The following TRIM37 variants were observed in gnomAD, a reference collection of about 807,000 sequenced individuals.
TRIM37 encodes tripartite motif containing 37.
Under a neutral mutation model 129.8 loss-of-function variants are expected in TRIM37, and 80 were observed. The ratio of observed to expected loss-of-function variants is 0.62; its 90% CI spans 0.51 to 0.74. TRIM37 has a LOEUF of 0.74. TRIM37 is among the 30% of genes least tolerant of loss of function. The probability of loss-of-function intolerance (pLI) is 0.00; values close to 1 mark genes in which losing one functional copy is unlikely to be tolerated. For missense variants in TRIM37, 1,054 were observed against 1,176.5 expected, an observed-to-expected ratio of 0.90 and a Z score of 1.52; for synonymous variants, 389 against 387.1, an observed-to-expected ratio of 1.00 and a Z score of -0.06.
chr17:59,066,994 C>T (rs35180305), intron 9 of TRIM37, among the ~76,000 whole-genome samples: 57,899 of 151,780 alleles, frequency 0.38, 11,191 homozygotes, highest in Middle Eastern at 0.5. Context: ...ATTTCTTTTG[C>T]GAAAGAAATT....
At chr17:58,981,321 C>T (rs2031345988), downstream of TRIM37, 1 of 319,570 alleles carries the variant, frequency 3.1e-6, no homozygotes, top group Non-Finnish European at 5.7e-6. Context: ...ACACAACCCC[C>T]TTCCCACCAT....
intron 5 of TRIM37, among the ~76,000 whole-genome samples, chr17:59,081,739 C>T (rs1379859516): frequency 6.6e-6 from 1 of 151,682 alleles, no homozygotes; most frequent in African/African-American, 2.4e-5. Context: ...AAAAACACGT[C>T]TCTACTAAAA....
intron 8 of TRIM37, among the ~76,000 whole-genome samples, chr17:59,074,338 A>C (rs2042631270): frequency 6.6e-6 from 1 of 152,158 alleles, no homozygotes. Context: ...TATATAAGGG[A>C]CTTGAGTATC....
At chr17:59,001,119 C>T (rs1416933713) in intron 23 of TRIM37, among the ~76,000 whole-genome samples, 2 of 149,894 alleles carry the variant, frequency 1.3e-5, no homozygotes, top group Admixed American at 1.4e-4. Context: ...CGCTTGAACC[C>T]AGGAGGCGGA....
chr17:59,030,202 T>G (rs769980120), intron 18 of TRIM37, among the ~76,000 whole-genome samples: 14 of 152,198 alleles, frequency 9.2e-5, no homozygotes, highest in South Asian at 4.1e-4. Flanking sequence ...GACTCCCAGG[T>G]TTAAGCCATT....
intron 19 of TRIM37, among the ~76,000 whole-genome samples, chr17:59,019,713 A>C (rs1365906404): frequency 6.6e-6 from 1 of 152,108 alleles, no homozygotes; most frequent in Non-Finnish European, 1.5e-5. Flanking sequence ...GTCTCAAAAA[A>C]AAAAAAGTCC....
At chr17:59,081,916 TA>T (rs1268353888) in intron 5 of TRIM37, among the ~76,000 whole-genome samples, 1 of 67,228 alleles carries the variant, frequency 1.5e-5, no homozygotes, top group African/African-American at 6.1e-5. Flanking sequence ...CAAAAAATAA[TA>T]ATTTTTTAAT....
chr17:58,996,790 ATATG>A (rs978083582), downstream of TRIM37, among the ~76,000 whole-genome samples: 1 of 134,192 alleles, frequency 7.5e-6, no homozygotes, highest in Non-Finnish European at 1.6e-5. Context: ...AAGTATATAT[ATATG>A]TGTGTGTGTG....
downstream of TRIM37, among the ~76,000 whole-genome samples, chr17:58,994,813 G>C (rs907727230): frequency 1.3e-5 from 2 of 150,926 alleles, no homozygotes; most frequent in African/African-American, 2.4e-5. Flanking sequence ...CAAATGGCAC[G>C]ATCTCGGCTC....
chr17:59,082,629 A>T (rs7503179), intron 5 of TRIM37, among the ~76,000 whole-genome samples: 50,694 of 152,088 alleles, frequency 0.33, 8,961 homozygotes, highest in Middle Eastern at 0.49. Context: ...TCACAAATCC[A>T]GTTGCATTCA....
At chr17:59,025,409 C>T (rs1010072159) in intron 19 of TRIM37, among the ~76,000 whole-genome samples, 2 of 150,606 alleles carry the variant, frequency 1.3e-5, no homozygotes, top group Non-Finnish European at 3.0e-5. Context: ...TATTAATATT[C>T]ATGTCATGAA....
At chr17:58,970,882 C>T in the TRIM37 span, among the ~76,000 whole-genome samples, 1 of 152,050 alleles carries the variant, frequency 6.6e-6, no homozygotes, top group Non-Finnish European at 1.5e-5. Context: ...GACCCGTAAT[C>T]ATCAATGTGA....
At chr17:58,971,790 T>C in the TRIM37 span, among the ~76,000 whole-genome samples, 1 of 152,222 alleles carries the variant, frequency 6.6e-6, no homozygotes, top group Admixed American at 6.5e-5. Context: ...AGTGCTTGAC[T>C]GGGAGGAAAA....
At chr17:58,978,913 G>A (rs1567899302), downstream of TRIM37, among the ~76,000 whole-genome samples, 1 of 152,140 alleles carries the variant, frequency 6.6e-6, no homozygotes, top group Admixed American at 6.5e-5. Context: ...ACCTAGTTTA[G>A]TGTGGTCCCA....
At chr17:59,055,525 T>C (rs2040772222) in intron 13 of TRIM37, among the ~76,000 whole-genome samples, 1 of 150,808 alleles carries the variant, frequency 6.6e-6, no homozygotes, top group Admixed American at 6.6e-5. Flanking sequence ...GAACCCCATC[T>C]CTACTAAAAA....
chr17:59,093,667 C>G (rs1027488651), intron 2 of TRIM37, among the ~76,000 whole-genome samples: 1 of 152,154 alleles, frequency 6.6e-6, no homozygotes, highest in Non-Finnish European at 1.5e-5. Context: ...GTAACCAGAT[C>G]GTATTTTAAA....
chr17:59,088,337 G>C lies in TRIM37; in HGVS notation c.235C>G (p.Leu79Val). 1.9e-6 allele frequency: 3 copies of C among 1,613,708 alleles called. No individual in the cohort carries two copies. Among genetic ancestry groups the C allele is most frequent in the South Asian group, 1.1e-5 (1 of 91,050 alleles). Residue 79 changes from leucine to valine, a missense_variant, in exon 4 of 24, where the codon CTT (leucine) becomes GTT (valine). Physicochemically the swap from Leu to Val is conservative, Grantham distance 32. Coordinates refer to ENST00000262294, the MANE Select transcript of TRIM37 (RefSeq NM_015294.6). ...AEEVTQQLDT[L>V]QLCSLTKHEE... ...TGTTTGGTGAGACTGCAGAGTTGAA[G>C]AGTATCAAGCTGTTGTGTTACTTCT...
the TRIM37 span, chr17:58,973,020 T>C: frequency 2.2e-5 from 17 of 772,404 alleles, no homozygotes; most frequent in Non-Finnish European, 3.0e-5. Context: ...TGATAATTTA[T>C]GTTACCAGAA....
intron 2 of TRIM37, among the ~76,000 whole-genome samples, chr17:59,094,606 G>A (rs1568240919): frequency 6.6e-6 from 1 of 151,456 alleles, no homozygotes; most frequent in Non-Finnish European, 1.5e-5. Flanking sequence ...AAGTATCTAA[G>A]ATAATCTTAA....
Sources: gnomAD v4.1 joint callset for allele counts (sites outside exome capture counted in the v4.1 genomes callset) on GRCh38, gnomAD v4.1.1 for gene constraint, MANE v1.5 for transcripts, NCBI Gene and HGNC (gene_info 2026-07-23, HGNC 2026-07-21) for gene names.